The following SEM1 variants were observed in gnomAD, a reference collection of about 807,000 sequenced individuals.
The protein encoded by SEM1 is SEM1 26S proteasome subunit, also known as 26S proteasome complex subunit SEM1.
A neutral mutation model predicts 12.7 loss-of-function variants in SEM1; 3 were observed. The ratio of observed to expected loss-of-function variants is 0.24; its 90% CI spans 0.11 to 0.61. SEM1 has a LOEUF of 0.61. Among genes scored for constraint, SEM1 ranks in the 20% least tolerant of loss-of-function variants. The pLI, the probability that SEM1 is intolerant of heterozygous loss-of-function variation, is 0.88. For missense variants in SEM1, 59 were observed against 81.3 expected (o/e 0.73, Z 1.06); for synonymous variants, 30 against 27.8 (o/e 1.08, Z -0.25).
At position 96,495,121 on chromosome 7, in the gene SEM1, A is replaced by G. The variant is rs1248917415; in HGVS notation, c.12+1163T>C. Among the ~76,000 whole-genome samples the G allele has an allele frequency of 2.6e-5, 4 of 152,042 alleles. No individual in the cohort carries two copies. The East Asian group carries it at 7.8e-4, about 29-fold the overall frequency. On this transcript the variant is annotated intron_variant, in intron 1 of 3. Transcript: ENST00000356686. The stretch of plus-strand genomic sequence containing the variant: ...ATAGCATTGGAAGATTATTCTAATG[A>G]TATTTCAGGCCATAGAAATATTGTG...
chr7:96,575,754 G>A (rs1249808648), intron 2 of SEM1, among the ~76,000 whole-genome samples: 3 of 152,248 alleles, frequency 2.0e-5, no homozygotes, highest in East Asian at 1.9e-4. Flanking sequence ...TTTAATAATA[G>A]CCATTCTGTA....
At chr7:96,528,254 C>T (rs538548759) in intron 2 of SEM1, among the ~76,000 whole-genome samples, 4 of 152,204 alleles carry the variant, frequency 2.6e-5, no homozygotes, top group South Asian at 2.1e-4. Context: ...AGTACAGTGG[C>T]GTGATCTCAG....
chr7:96,505,841 T>G (rs1170725231), intron 3 of SEM1, among the ~76,000 whole-genome samples: 2 of 152,110 alleles, frequency 1.3e-5, no homozygotes, highest in African/African-American at 2.4e-5. Context: ...ACCTTGGGAA[T>G]TAGGATTTCA....
intron 2 of SEM1, among the ~76,000 whole-genome samples, chr7:96,653,356 T>G (rs1809064230): frequency 6.6e-6 from 1 of 152,240 alleles, no homozygotes; most frequent in East Asian, 1.9e-4. Context: ...ATTGCTCACC[T>G]ACTTATTGGG....
intron 2 of SEM1, among the ~76,000 whole-genome samples, chr7:96,571,537 G>A (rs539201212): frequency 5.8e-4 from 87 of 151,090 alleles, no homozygotes; most frequent in Non-Finnish European, 9.2e-4. Flanking sequence ...GATTTCTGAG[G>A]CATCTGTTCT....
At chr7:96,598,083 G>A (rs574680682) in intron 2 of SEM1, among the ~76,000 whole-genome samples, 2 of 152,008 alleles carry the variant, frequency 1.3e-5, no homozygotes, top group Non-Finnish European at 2.9e-5. Context: ...AATCCAAATC[G>A]CAACATTTTA....
chr7:96,653,188 C>T (rs1809057136), intron 2 of SEM1, among the ~76,000 whole-genome samples: 1 of 152,102 alleles, frequency 6.6e-6, no homozygotes, highest in African/African-American at 2.4e-5. Flanking sequence ...TCTCCAGGAG[C>T]CATGTGCAGA....
chr7:96,700,676 C>T (rs776907828), intron 1 of SEM1, among the ~76,000 whole-genome samples: 40 of 152,178 alleles, frequency 2.6e-4, no homozygotes, highest in Non-Finnish European at 4.3e-4. Context: ...TAATGTTTAA[C>T]AAACAAGTAG....
intron 2 of SEM1, among the ~76,000 whole-genome samples, chr7:96,508,084 G>A (rs1259061810): frequency 6.6e-6 from 1 of 151,826 alleles, no homozygotes; most frequent in Non-Finnish European, 1.5e-5. Flanking sequence ...GCTGGTGTAG[G>A]TATGAAAAAG....
chr7:96,510,442 A>T (rs1348613529), intron 2 of SEM1, among the ~76,000 whole-genome samples: 1 of 152,194 alleles, frequency 6.6e-6, no homozygotes, highest in Admixed American at 6.5e-5. Context: ...CACAGTGGTT[A>T]TATATTTGTG....
At chr7:96,543,941 T>C (rs1805028982) in intron 2 of SEM1, among the ~76,000 whole-genome samples, 1 of 152,072 alleles carries the variant, frequency 6.6e-6, no homozygotes, top group African/African-American at 2.4e-5. Context: ...CTTGGCTTAG[T>C]GCTCTATGAT....
upstream of SEM1, among the ~76,000 whole-genome samples, chr7:96,497,008 TACACAC>T (rs933659887): frequency 8.4e-6 from 1 of 119,520 alleles, no homozygotes; most frequent in Admixed American, 8.1e-5. Context: ...CGAGCACGTA[TACACAC>T]ACACACACAC....
chr7:96,584,516 C>A (rs1174269898), intron 2 of SEM1, among the ~76,000 whole-genome samples: 2 of 152,060 alleles, frequency 1.3e-5, no homozygotes, highest in African/African-American at 2.4e-5. Context: ...CGTTGGCCTG[C>A]CTTGCTAGAT....
upstream of SEM1, among the ~76,000 whole-genome samples, chr7:96,497,923 G>A (rs1242885338): frequency 6.6e-6 from 1 of 152,092 alleles, no homozygotes; most frequent in East Asian, 1.9e-4. Flanking sequence ...GAAAACACAA[G>A]CCTGATGAAG....
chr7:96,612,658 C>T (rs1308522698), intron 2 of SEM1, among the ~76,000 whole-genome samples: 5 of 152,130 alleles, frequency 3.3e-5, no homozygotes, highest in East Asian at 1.9e-4. Flanking sequence ...TACAGAGTCT[C>T]GCTCTGTTGC....
In SEM1 at chr7:96,614,482, C is replaced by A. The variant is rs140274402; in HGVS notation, c.170+80316G>T. Among the ~76,000 whole-genome samples the A allele has an allele frequency of 6.6e-5, 10 of 152,338 alleles. No homozygotes were observed. In the East Asian group the frequency reaches 1.9e-3, roughly 29 times the overall value. On this transcript the variant is annotated intron_variant and NMD_transcript_variant, in intron 2 of 3. Coordinates refer to the SEM1 transcript ENST00000466986. ...GAATACAACGATCCATGCACTCAGG[C>A]AGCAAGAAGCTCTTTCCAGACCTGA... is the stretch of plus-strand genomic sequence containing the variant.
At chr7:96,484,940 C>G in intron 2 of SEM1, 1 of 777,530 alleles carries the variant, frequency 1.3e-6, no homozygotes, top group Non-Finnish European at 1.9e-6. Context: ...AACACCATAT[C>G]CTACAGTCAG....
chr7:96,670,963 C>A (rs192648294), downstream of SEM1, among the ~76,000 whole-genome samples: 12 of 152,298 alleles, frequency 7.9e-5, no homozygotes, highest in African/African-American at 2.9e-4. Context: ...GATATATCCT[C>A]TTTGTTGATT....
chr7:96,509,294 C>T (rs190180467), intron 2 of SEM1, among the ~76,000 whole-genome samples: 1 of 151,782 alleles, frequency 6.6e-6, no homozygotes, highest in African/African-American at 2.4e-5. Flanking sequence ...GAGTGAGCCA[C>T]CCCTCCCAAT....
Sources: gnomAD v4.1 joint callset for allele counts (sites outside exome capture counted in the v4.1 genomes callset) on GRCh38, gnomAD v4.1.1 for gene constraint, MANE v1.5 for transcripts, NCBI Gene and HGNC (gene_info 2026-07-23, HGNC 2026-07-21) for gene names.